ZGRF1: variants seen among roughly 807,000 people sequenced by gnomAD.
ZGRF1 encodes the protein 5'-3' DNA helicase ZGRF1.
Under a neutral mutation model 203.5 loss-of-function variants are expected in ZGRF1, and 196 were observed. The ratio of observed to expected loss-of-function variants is 0.96; its 90% CI spans 0.86 to 1.08. ZGRF1 has a LOEUF of 1.08. Among genes scored for constraint, ZGRF1 ranks in the 50% least tolerant of loss-of-function variants. The pLI is 0.00. For synonymous variants in ZGRF1, 809 were observed against 841.3 expected, an observed-to-expected ratio of 0.96 and a Z score of 0.66; for missense variants, 2,326 against 2,416.3, an observed-to-expected ratio of 0.96 and a Z score of 0.78.
intron 8 of ZGRF1, among the ~76,000 whole-genome samples, chr4:112,606,624 C>T (rs1192033369): frequency 6.7e-6 from 1 of 150,144 alleles, no homozygotes; most frequent in African/African-American, 2.5e-5. Flanking sequence ...CGCCATTGCA[C>T]TCCAGCCTGG....
intron 18 of ZGRF1, 60 bp downstream of exon 18, chr4:112,562,311 A>T: frequency 1.2e-6 from 1 of 865,850 alleles, no homozygotes; most frequent in Non-Finnish European, 1.9e-6. Flanking sequence ...TTGAATTTTC[A>T]TATTTACTTC....
intron 10 of ZGRF1, among the ~76,000 whole-genome samples, chr4:112,593,345 A>G (rs746930246): frequency 6.6e-6 from 1 of 152,116 alleles, no homozygotes; most frequent in African/African-American, 2.4e-5. Context: ...CCCTACTTCA[A>G]TTCACTATCA....
rs1386248807 is a variant in ZGRF1, at chr4:112,541,264, T to A, written c.5603A>T (p.His1868Leu). ...TTGAGTTCTCAATAGAATTGGCTTG[T>A]GACCCTAAGAAATTTAAATGAAGAA... is the stretch of plus-strand genomic sequence containing the variant. Reference protein sequence around the residue: ...TLFDRLCLMGHKPILLRTQYR... With the variant: ...TLFDRLCLMGLKPILLRTQYR... Residue 1868 changes from histidine to leucine, a missense_variant, in exon 25 of 28, where the codon CAC becomes CTC. Physicochemically the swap from His to Leu is moderately conservative, Grantham distance 99 (BLOSUM62 -3). Transcript: ENST00000505019. 2 of 1,527,714 alleles carry A rather than the reference T, an allele frequency of 1.3e-6. No individual in the cohort carries two copies. Among genetic ancestry groups the A allele is most frequent in the Non-Finnish European group, 8.9e-7 (1 of 1,127,858 alleles). The allele number at this position is 1,527,714 out of a possible 1,614,324, so 94.6% of individuals were successfully genotyped here. A position where few individuals can be genotyped will look rare whatever the true frequency, so the allele number is the denominator to read the frequency against.
rs1394183387 is a variant in ZGRF1 at position 112,619,689 on chromosome 4, C to T, written c.353G>A (p.Gly118Asp). The T allele has an allele frequency of 1.3e-6, 2 of 1,586,852 alleles. No homozygotes were observed. The highest frequency in any genetic ancestry group is 1.7e-6 in the Non-Finnish European group (2 of 1,168,888). The change falls in exon 6 of 28, where the codon GGT becomes GAT. Residue 118 changes from glycine (G) to aspartate (D), a missense_variant and splice_region_variant. By Grantham distance (94) the Gly-to-Asp change is moderately conservative. Coordinates refer to ENST00000505019, the MANE Select transcript of ZGRF1 (RefSeq NM_018392.5). ...TGGAACCTGACGTGGTCCTTGAAAA[C>T]CCTGAAAATATTAAAATAACTGTTA... Reference protein sequence around the residue: ...QPSGLKRKFTGFQGPRQVPKK... With the variant: ...QPSGLKRKFTDFQGPRQVPKK...
At chr4:112,633,693 A>G (rs1471268911) in intron 1 of ZGRF1, among the ~76,000 whole-genome samples, 2 of 152,230 alleles carry the variant, frequency 1.3e-5, no homozygotes, top group African/African-American at 2.4e-5. Flanking sequence ...TAGTACCTCT[A>G]CAAGGAAAAA....
chr4:112,551,806 T>A (rs1740009637), intron 22 of ZGRF1, among the ~76,000 whole-genome samples: 1 of 151,906 alleles, frequency 6.6e-6, no homozygotes, highest in Non-Finnish European at 1.5e-5. Context: ...AAGAAATATC[T>A]AATACAAAAA....
In ZGRF1 at chr4:112,554,781, G is replaced by T. The variant is rs1311077132; in HGVS notation, c.5122C>A (p.Leu1708Ile). The change falls in exon 21 of 28, where the codon CTT (leucine) becomes ATT (isoleucine). Residue 1708 changes from leucine to isoleucine, a missense_variant and splice_region_variant. Coordinates refer to ENST00000505019, the MANE Select transcript of ZGRF1 (RefSeq NM_018392.5). ...NVAVDRVLLG[L>I]LSLGFENFIR... is the part of the protein sequence containing the mutation. ...AAGTTTTCAAATCCAAGACTGAGAA[G>T]CCTTTAAATAAGAAAACAATATAGA... is the stretch of plus-strand genomic sequence containing the variant. The T allele has an allele frequency of 2.0e-6, 3 of 1,504,432 alleles. No homozygotes were observed. Among genetic ancestry groups the T allele is most frequent in the Non-Finnish European group, 2.7e-6 (3 of 1,106,026 alleles). The allele number at this position is 1,504,432 out of a possible 1,614,324, so 93.2% of individuals were successfully genotyped here.
chr4:112,564,917 G>A (rs1742729193), intron 16 of ZGRF1: 4 of 701,004 alleles, frequency 5.7e-6, no homozygotes, highest in South Asian at 3.2e-5. Flanking sequence ...GCTCTCCAAC[G>A]CCAGCGCCGC....
chr4:112,576,256 T>A (rs1161460714), intron 16 of ZGRF1, among the ~76,000 whole-genome samples: 1 of 151,972 alleles, frequency 6.6e-6, no homozygotes, highest in African/African-American at 2.4e-5. Flanking sequence ...AGAAAGGACA[T>A]CCAAACCAAA....
At chr4:112,547,147 T>C (rs1467036926) in intron 24 of ZGRF1, 138 bp downstream of exon 24, 1 of 889,574 alleles carries the variant, frequency 1.1e-6, no homozygotes, top group Non-Finnish European at 1.6e-6. Context: ...AGATGAATAC[T>C]TACTTTCCAG....
chr4:112,614,566 C>T (rs1304417080), intron 6 of ZGRF1, among the ~76,000 whole-genome samples: 1 of 152,174 alleles, frequency 6.6e-6, no homozygotes, highest in African/African-American at 2.4e-5. Context: ...CAGTGGCTCA[C>T]GCCTATAATC....
At chr4:112,628,594 T>C (rs1439871069) in intron 3 of ZGRF1, 1 of 456,098 alleles carries the variant, frequency 2.2e-6, no homozygotes, top group Non-Finnish European at 4.4e-6. Flanking sequence ...GGGCGTTATT[T>C]AGGAAACAGT....
At chr4:112,572,788 C>G (rs1578319586) in intron 16 of ZGRF1, among the ~76,000 whole-genome samples, 1 of 152,178 alleles carries the variant, frequency 6.6e-6, no homozygotes, top group African/African-American at 2.4e-5. Context: ...AAATGGCCAA[C>G]AAACATGAAA....
chr4:112,603,595 T>G lies in ZGRF1; in HGVS notation c.2905A>C (p.Thr969Pro). Residue 969 changes from threonine to proline, a missense_variant, in exon 10 of 28, where the codon ACT (threonine) becomes CCT (proline). Coordinates refer to ENST00000505019, the MANE Select transcript of ZGRF1 (RefSeq NM_018392.5). ...TCTGTCATAAAGTTTTCATACTCAG[T>G]GCTATCTGGAAACTGACTGCATCCT... is the stretch of plus-strand genomic sequence containing the variant. Reference protein sequence around the residue: ...QLGCSQFPDSTEYENFMTETP... With the variant: ...QLGCSQFPDSPEYENFMTETP... 1 of 1,613,698 alleles carries G rather than the reference T, an allele frequency of 6.2e-7. No homozygotes were observed. The highest frequency in any genetic ancestry group is 8.5e-7 in the Non-Finnish European group (1 of 1,179,580).
At chr4:112,590,977 T>C (rs1748082230) in intron 10 of ZGRF1, among the ~76,000 whole-genome samples, 2 of 150,862 alleles carry the variant, frequency 1.3e-5, no homozygotes, top group Admixed American at 1.3e-4. Context: ...AGCTTATATA[T>C]ATATTTTACA....
intron 22 of ZGRF1, 63 bp downstream of exon 22, chr4:112,553,772 G>A: frequency 2.2e-6 from 3 of 1,394,476 alleles, no homozygotes; most frequent in Non-Finnish European, 2.9e-6. Flanking sequence ...TTCATCAACA[G>A]AAATAAGAGA....
intron 9 of ZGRF1, among the ~76,000 whole-genome samples, chr4:112,604,827 T>A (rs1194739924): frequency 1.3e-5 from 2 of 152,128 alleles, no homozygotes; most frequent in Non-Finnish European, 2.9e-5. Context: ...CCATACAAAG[T>A]AAAGCTTACC....
At position 112,618,005 on chromosome 4, in the gene ZGRF1, C is replaced by CG. The variant is rs1452938124; in HGVS notation, c.2036dup (p.Asn680GlufsTer2). The CG allele has an allele frequency of 5.0e-6, 8 of 1,612,252 alleles. No individual in the cohort carries two copies. In the African/African-American group the frequency reaches 1.1e-4, roughly 22 times the overall value. On this transcript the variant is annotated frameshift_variant, in exon 6 of 28. Coordinates refer to ENST00000505019, the MANE Select transcript of ZGRF1 (RefSeq NM_018392.5). LOFTEE classifies it high-confidence loss of function. Reference sequence around the variant, plus strand: ...TCATGTTTATACCTTTAGATTTATTCGGGGGTAAAGCAAAATCATAGTTAA... The same window carrying CG: ...TCATGTTTATACCTTTAGATTTATTCGGGGGGTAAAGCAAAATCATAGTTAA...
At chr4:112,573,411 AG>A (rs1744575583) in intron 16 of ZGRF1, among the ~76,000 whole-genome samples, 1 of 152,144 alleles carries the variant, frequency 6.6e-6, no homozygotes, top group Non-Finnish European at 1.5e-5. Context: ...GGAAAGGGTA[AG>A]GGGGGCAGTG....
Sources: gnomAD v4.1 joint callset for allele counts (sites outside exome capture counted in the v4.1 genomes callset) on GRCh38, gnomAD v4.1.1 for gene constraint, MANE v1.5 for transcripts, NCBI Gene and HGNC (gene_info 2026-07-23, HGNC 2026-07-21) for gene names.